The following ARHGAP15 variants were observed in gnomAD, a reference collection of about 807,000 sequenced individuals.
ARHGAP15 encodes Rho GTPase activating protein 15, also known as rho GTPase-activating protein 15.
Under a neutral mutation model 63.7 loss-of-function variants are expected in ARHGAP15, and 51 were observed. The observed-to-expected ratio is 0.80, with a 90% CI of 0.64 to 1.01. The LOEUF is 1.01. ARHGAP15 is among the 50% of genes least tolerant of loss of function. The probability of loss-of-function intolerance (pLI) is 0.00; values close to 1 mark genes in which losing one functional copy is unlikely to be tolerated. For synonymous variants in ARHGAP15, 191 were observed against 193.8 expected, an observed-to-expected ratio of 0.99 and a Z score of 0.12; for missense variants, 560 against 564.6, an observed-to-expected ratio of 0.99 and a Z score of 0.08.
At chr2:143,301,575 T>A (rs551066698) in intron 6 of ARHGAP15, among the ~76,000 whole-genome samples, 2 of 152,076 alleles carry the variant, frequency 1.3e-5, no homozygotes, top group African/African-American at 4.8e-5. Flanking sequence ...GTTTATGATG[T>A]AGGATATTTT....
At chr2:143,301,973 C>G (rs935967943) in intron 6 of ARHGAP15, among the ~76,000 whole-genome samples, 1 of 151,844 alleles carries the variant, frequency 6.6e-6, no homozygotes, top group African/African-American at 2.4e-5. Flanking sequence ...AATCAAGCAA[C>G]AACCAAGGTA....
intron 6 of ARHGAP15, among the ~76,000 whole-genome samples, chr2:143,374,730 T>C (rs1344123039): frequency 6.6e-6 from 1 of 152,174 alleles, no homozygotes; most frequent in Non-Finnish European, 1.5e-5. Flanking sequence ...CTCAACCTCC[T>C]GGGCTTAAGC....
intron 11 of ARHGAP15, among the ~76,000 whole-genome samples, chr2:143,574,170 A>G (rs985390487): frequency 6.6e-5 from 10 of 152,202 alleles, no homozygotes; most frequent in African/African-American, 2.2e-4. Flanking sequence ...ACTGACACTC[A>G]CTCACACACA....
chr2:143,767,993 G>C lies in ARHGAP15; in HGVS notation c.1249G>C (p.Val417Leu). The C allele has an allele frequency of 1.2e-6, 2 of 1,613,222 alleles. No individual in the cohort carries two copies. Among genetic ancestry groups the C allele is most frequent in the Non-Finnish European group, 1.7e-6 (2 of 1,179,564 alleles). Residue 417 changes from valine (V) to leucine (L), a missense_variant, in exon 14 of 14, where the codon GTG (valine) becomes CTG (leucine). Physicochemically the swap from Val to Leu is conservative, Grantham distance 32. Coordinates refer to ENST00000295095, the MANE Select transcript of ARHGAP15 (RefSeq NM_018460.4). Reference sequence around the variant, plus strand: ...TTTTTTTCTCTCTCTCCACAGGATAGTGGCCAAAGCCTCCAAGAACCTCAT... The same window carrying C: ...TTTTTTTCTCTCTCTCCACAGGATACTGGCCAAAGCCTCCAAGAACCTCAT... Reference protein sequence around the residue: ...KVLFGHLTKIVAKASKNLMST... With the variant: ...KVLFGHLTKILAKASKNLMST...
In ARHGAP15 at chr2:143,201,186, T is replaced by G. The variant is rs1692102498; in HGVS notation, c.166-948T>G. ...GTGCAGTTGTGTGATCATAGCTTACTGCAGCCTCAAAATCCTGGCTCAAGT... is the reference window on the plus strand; with the variant it reads ...GTGCAGTTGTGTGATCATAGCTTACGGCAGCCTCAAAATCCTGGCTCAAGT... On this transcript the variant is annotated intron_variant, in intron 2 of 13. Transcript: ENST00000295095. Among the ~76,000 whole-genome samples, 3 of 151,758 alleles carry G rather than the reference T, an allele frequency of 2.0e-5. No homozygotes were observed. The South Asian group carries it at 6.2e-4, about 32-fold the overall frequency.
At chr2:143,279,231 T>C (rs1331714676) in intron 6 of ARHGAP15, among the ~76,000 whole-genome samples, 2 of 152,148 alleles carry the variant, frequency 1.3e-5, no homozygotes, top group African/African-American at 4.8e-5. Flanking sequence ...TTTCCTCTTA[T>C]TCAGCTCAAG....
chr2:143,640,297 A>C (rs1456371642), intron 12 of ARHGAP15, among the ~76,000 whole-genome samples: 1 of 152,084 alleles, frequency 6.6e-6, no homozygotes, highest in Non-Finnish European at 1.5e-5. Flanking sequence ...GGGAATCAGA[A>C]GGAAGAGGGT....
chr2:143,190,336 T>TTGGA (rs1691631198), intron 2 of ARHGAP15, among the ~76,000 whole-genome samples: 1 of 152,220 alleles, frequency 6.6e-6, no homozygotes, highest in Non-Finnish European at 1.5e-5. Context: ...AGCTGACTTT[T>TTGGA]CATTGCGGAT....
At chr2:143,515,585 C>T (rs954377514) in intron 9 of ARHGAP15, among the ~76,000 whole-genome samples, 1 of 152,182 alleles carries the variant, frequency 6.6e-6, no homozygotes, top group Non-Finnish European at 1.5e-5. Flanking sequence ...TATCCCTTTC[C>T]TTTCTTCAGG....
chr2:143,292,967 G>A (rs1682473243), intron 6 of ARHGAP15, among the ~76,000 whole-genome samples: 1 of 151,958 alleles, frequency 6.6e-6, no homozygotes, highest in South Asian at 2.1e-4. Context: ...ATTGTAATCA[G>A]TTTTCTTCGA....
At chr2:143,295,052 G>T (rs987523418) in intron 6 of ARHGAP15, among the ~76,000 whole-genome samples, 1 of 152,026 alleles carries the variant, frequency 6.6e-6, no homozygotes, top group Admixed American at 6.6e-5. Context: ...CCATTTTACA[G>T]TTGGGGAAAC....
intron 6 of ARHGAP15, among the ~76,000 whole-genome samples, chr2:143,365,291 C>A (rs1686248071): frequency 6.6e-6 from 1 of 152,184 alleles, no homozygotes; most frequent in Non-Finnish European, 1.5e-5. Flanking sequence ...AAATAAGAAG[C>A]TAACCTGAGC....
At chr2:143,250,704 G>A (rs2104978093) in intron 6 of ARHGAP15, 104 bp downstream of exon 6, 2 of 875,398 alleles carry the variant, frequency 2.3e-6, no homozygotes, top group Non-Finnish European at 3.5e-6. Context: ...TCATGTACAT[G>A]AACTCGTTGT....
intron 11 of ARHGAP15, among the ~76,000 whole-genome samples, chr2:143,600,776 G>C (rs1697739580): frequency 6.6e-6 from 1 of 152,226 alleles, no homozygotes; most frequent in South Asian, 2.1e-4. Flanking sequence ...TATTTTAGAT[G>C]ATTTTGGTGA....
intron 8 of ARHGAP15, among the ~76,000 whole-genome samples, chr2:143,470,662 T>C (rs1470515162): frequency 1.4e-5 from 2 of 142,156 alleles, no homozygotes; most frequent in African/African-American, 2.5e-5. Flanking sequence ...TATATATACA[T>C]GTATATATGT....
At chr2:143,597,660 A>G (rs1354449899) in intron 11 of ARHGAP15, among the ~76,000 whole-genome samples, 1 of 152,028 alleles carries the variant, frequency 6.6e-6, no homozygotes, top group South Asian at 2.1e-4. Context: ...AGTAAATAGC[A>G]TTTACTCACA....
chr2:143,139,657 C>T (rs1184785316), intron 1 of ARHGAP15, among the ~76,000 whole-genome samples: 5 of 152,012 alleles, frequency 3.3e-5, no homozygotes, highest in Admixed American at 6.6e-5. Flanking sequence ...TAGTAGACTT[C>T]GTAGAAAAAG....
chr2:143,525,415 T>C (rs1694228631), intron 10 of ARHGAP15, among the ~76,000 whole-genome samples: 1 of 151,496 alleles, frequency 6.6e-6, no homozygotes, highest in African/African-American at 2.4e-5. Flanking sequence ...TGGAGAATAT[T>C]TGTGGACTGA....
intron 6 of ARHGAP15, among the ~76,000 whole-genome samples, chr2:143,433,475 C>T (rs936930390): frequency 6.6e-5 from 10 of 151,968 alleles, no homozygotes; most frequent in Non-Finnish European, 5.9e-5. Context: ...AAAATGAATT[C>T]GTAAATCACT....
Sources: allele counts gnomAD v4.1 joint callset (sites outside exome capture counted in the v4.1 genomes callset), GRCh38; gene constraint gnomAD v4.1.1; transcripts MANE v1.5; gene names NCBI Gene and HGNC (gene_info 2026-07-23, HGNC 2026-07-21).